HS6ST3: variants seen among roughly 807,000 people sequenced by gnomAD.
The protein encoded by HS6ST3 is heparan sulfate 6-O-sulfotransferase 3.
Under a neutral mutation model 36.7 loss-of-function variants are expected in HS6ST3, and 12 were observed. The observed-to-expected ratio is 0.33, with a 90% CI of 0.21 to 0.53. The LOEUF (loss-of-function observed/expected upper bound fraction) is 0.53. Among genes scored for constraint, HS6ST3 ranks in the 20% least tolerant of loss-of-function variants. HS6ST3 has a pLI of 0.95. For synonymous variants in HS6ST3, 240 were observed against 257.5 expected, an observed-to-expected ratio of 0.93 and a Z score of 0.65; for missense variants, 584 against 640.9, an observed-to-expected ratio of 0.91 and a Z score of 0.96.
In HS6ST3 at chr13:96,839,001, G is replaced by A. The variant is rs990262634; in HGVS notation, c.*5803G>A. 6.6e-6 allele frequency: 1 copy of A among 152,174 alleles called. No individual in the cohort carries two copies. Among genetic ancestry groups the A allele is most frequent in the Non-Finnish European group, 1.5e-5 (1 of 68,040 alleles). 9.4% of individuals were successfully genotyped at this position (152,174 alleles called of 1,614,324 possible). On this transcript the variant is annotated 3_prime_UTR_variant, in exon 2 of 2. Transcript: ENST00000376705. ...TGTGTTCCAAGATGTCTGTGGAAAG[G>A]ATTGCAACTGTCATCCTTTGGCACA...
chr13:96,757,552 G>A lies in HS6ST3; in HGVS notation c.708-74938G>A, dbSNP rs374251536. The stretch of plus-strand genomic sequence containing the variant: ...GAATAAAATTGCTATGATTTGTCTC[G>A]ATCTTAGGGTAAAAGATTTCAATAT... On this transcript the variant is annotated intron_variant, in intron 1 of 1. Coordinates refer to ENST00000376705, the MANE Select transcript of HS6ST3 (RefSeq NM_153456.4). Among the ~76,000 whole-genome samples the A allele has an allele frequency of 1.4e-4, 21 of 152,000 alleles. No homozygotes were observed. The East Asian group carries it at 3.1e-3, about 22-fold the overall frequency.
At chr13:96,746,647 A>G (rs1292629162) in intron 1 of HS6ST3, among the ~76,000 whole-genome samples, 1 of 152,118 alleles carries the variant, frequency 6.6e-6, no homozygotes, top group Admixed American at 6.6e-5. Context: ...TGTTTGAGTC[A>G]TGAATATTAA....
chr13:96,488,794 T>C (rs2055929206), intron 1 of HS6ST3, among the ~76,000 whole-genome samples: 1 of 152,138 alleles, frequency 6.6e-6, no homozygotes, highest in African/African-American at 2.4e-5. Flanking sequence ...TGAATGCTTC[T>C]ACTTCATTGT....
intron 1 of HS6ST3, among the ~76,000 whole-genome samples, chr13:96,123,305 G>T (rs1249731706): frequency 2.0e-5 from 3 of 152,152 alleles, no homozygotes; most frequent in Non-Finnish European, 4.4e-5. Context: ...GAAGAATGGA[G>T]TATTCTTAAA....
At chr13:96,317,344 A>AAAAT (rs1207608716) in intron 1 of HS6ST3, among the ~76,000 whole-genome samples, 12 of 18,274 alleles carry the variant, frequency 6.6e-4, no homozygotes, top group African/African-American at 2.5e-3. Context: ...ATATATATAT[A>AAAAT]TATATATATA....
At chr13:96,600,349 C>T (rs2056416954) in intron 1 of HS6ST3, among the ~76,000 whole-genome samples, 1 of 151,476 alleles carries the variant, frequency 6.6e-6, no homozygotes, top group Non-Finnish European at 1.5e-5. Context: ...CACACACACA[C>T]ACACACACAC....
intron 1 of HS6ST3, among the ~76,000 whole-genome samples, chr13:96,363,220 G>A (rs1197005446): frequency 6.6e-6 from 1 of 151,840 alleles, no homozygotes; most frequent in Non-Finnish European, 1.5e-5. Context: ...TCAGCTTTTA[G>A]TATTCCATTA....
At chr13:96,780,488 A>T (rs1305092019) in intron 1 of HS6ST3, among the ~76,000 whole-genome samples, 1 of 152,134 alleles carries the variant, frequency 6.6e-6, no homozygotes, top group Non-Finnish European at 1.5e-5. Context: ...CCCTTAATCT[A>T]GTGCTATAGT....
At position 96,779,356 on chromosome 13, in the gene HS6ST3, T is replaced by C. The variant is rs892147704; in HGVS notation, c.708-53134T>C. On this transcript the variant is annotated intron_variant, in intron 1 of 1. Coordinates refer to ENST00000376705, the MANE Select transcript of HS6ST3 (RefSeq NM_153456.4). ...TAATAATAATAATAATAATTCCTTC[T>C]GTGGGAATGGAACCAGAATTTTTTC... is the stretch of plus-strand genomic sequence containing the variant. 3.3e-5 allele frequency among the ~76,000 whole-genome samples: 5 copies of C among 151,708 alleles called. No homozygotes were observed. In the South Asian group the frequency reaches 6.2e-4, roughly 19 times the overall value.
At chr13:96,785,089 A>G (rs1382952527) in intron 1 of HS6ST3, among the ~76,000 whole-genome samples, 1 of 152,152 alleles carries the variant, frequency 6.6e-6, no homozygotes, top group African/African-American at 2.4e-5. Context: ...GAATCCCTTG[A>G]ACCTGGGAGG....
At position 96,832,630 on chromosome 13, in the gene HS6ST3, C is replaced by T. The variant is rs558493144; in HGVS notation, c.848C>T (p.Thr283Ile). The change falls in exon 2 of 2, where the codon ACC becomes ATC. Residue 283 changes from threonine to isoleucine, a missense_variant. Thr to Ile is a moderately conservative substitution (Grantham distance 89). Coordinates refer to ENST00000376705, the MANE Select transcript of HS6ST3 (RefSeq NM_153456.4). ...AGCCCCACCCCAGATGAGCTGCCTA[C>T]CTGCTACCCTGGGGATGACTGGTCT... is the stretch of plus-strand genomic sequence containing the variant. The part of the protein sequence containing the change: ...GRSPTPDELP[T>I]CYPGDDWSGV... 2 of 1,614,164 alleles carry T rather than the reference C, an allele frequency of 1.2e-6. No homozygotes were observed. The highest frequency in any genetic ancestry group is 1.7e-6 in the Non-Finnish European group (2 of 1,180,012).
intron 1 of HS6ST3, among the ~76,000 whole-genome samples, chr13:96,316,083 G>A (rs1243326367): frequency 6.6e-6 from 1 of 152,156 alleles, no homozygotes; most frequent in African/African-American, 2.4e-5. Flanking sequence ...CTCATGGTAA[G>A]TGCTATTTTG....
At chr13:96,601,213 C>G (rs1182304419) in intron 1 of HS6ST3, among the ~76,000 whole-genome samples, 1 of 152,124 alleles carries the variant, frequency 6.6e-6, no homozygotes, top group African/African-American at 2.4e-5. Flanking sequence ...ATCTAAATCT[C>G]TAGCAAGCCC....
intron 1 of HS6ST3, among the ~76,000 whole-genome samples, chr13:96,692,565 C>T (rs1874994906): frequency 6.6e-6 from 1 of 152,114 alleles, no homozygotes; most frequent in African/African-American, 2.4e-5. Context: ...AGATTGCATT[C>T]AGGGGGCTTG....
chr13:96,776,700 A>G (rs1877394775), intron 1 of HS6ST3, among the ~76,000 whole-genome samples: 1 of 152,198 alleles, frequency 6.6e-6, no homozygotes. Context: ...GCAATAATTA[A>G]TAGCCTAACA....
At chr13:96,250,686 G>C (rs2054603744) in intron 1 of HS6ST3, among the ~76,000 whole-genome samples, 1 of 152,060 alleles carries the variant, frequency 6.6e-6, no homozygotes, top group Admixed American at 6.6e-5. Flanking sequence ...TGTTACAGAG[G>C]GCCTAGGAAT....
chr13:96,233,392 A>G (rs1195686171), intron 1 of HS6ST3, among the ~76,000 whole-genome samples: 2 of 152,226 alleles, frequency 1.3e-5, no homozygotes, highest in East Asian at 1.9e-4. Context: ...TGTAGTAGCT[A>G]TTACTGTACC....
chr13:96,628,616 C>T (rs959779209), intron 1 of HS6ST3, among the ~76,000 whole-genome samples: 38 of 152,002 alleles, frequency 2.5e-4, no homozygotes, highest in African/African-American at 8.2e-4. Context: ...AACTTCTCCC[C>T]GTGTACCTAT....
intron 1 of HS6ST3, among the ~76,000 whole-genome samples, chr13:96,354,057 T>C (rs1294348483): frequency 6.6e-6 from 1 of 152,198 alleles, no homozygotes; most frequent in Admixed American, 6.5e-5. Context: ...CTTAAAGATA[T>C]ATGTACAGTT....
Sources: allele counts gnomAD v4.1 joint callset (sites outside exome capture counted in the v4.1 genomes callset), GRCh38; gene constraint gnomAD v4.1.1; transcripts MANE v1.5; gene names NCBI Gene and HGNC (gene_info 2026-07-23, HGNC 2026-07-21).